The following SLC25A36 variants were observed in gnomAD, a reference collection of about 807,000 sequenced individuals.
SLC25A36 encodes the protein epididymis secretory sperm binding protein.
In SLC25A36, 24 loss-of-function variants were observed where a neutral mutation model predicts 35.3. The ratio of observed to expected loss-of-function variants is 0.68; its 90% CI spans 0.49 to 0.96. The LOEUF is 0.96. SLC25A36 is among the 40% of genes least tolerant of loss of function. The probability of loss-of-function intolerance (pLI) is 0.00; values close to 1 mark genes in which losing one functional copy is unlikely to be tolerated. For synonymous variants in SLC25A36, 141 were observed against 132.2 expected (o/e 1.07, Z -0.46); for missense variants, 294 against 381.1 (o/e 0.77, Z 1.90).
intron 1 of SLC25A36, among the ~76,000 whole-genome samples, chr3:140,948,619 A>G (rs1273378396): frequency 6.6e-6 from 1 of 152,228 alleles, no homozygotes; most frequent in Non-Finnish European, 1.5e-5. Context: ...ATTCTGAAGT[A>G]CCTTTTTAAA....
chr3:140,963,097 C>A, intron 3 of SLC25A36, 30 bp from the exon 4 acceptor site: 1 of 1,366,190 alleles, frequency 7.3e-7, no homozygotes, highest in Non-Finnish European at 1.0e-6. Flanking sequence ...TAAGAACATG[C>A]TTATTGATAA....
At chr3:140,948,419 T>C (rs1461297555) in intron 1 of SLC25A36, among the ~76,000 whole-genome samples, 1 of 151,188 alleles carries the variant, frequency 6.6e-6, no homozygotes, top group Admixed American at 6.6e-5. Flanking sequence ...CCTGACCTCA[T>C]GATCTGCCCA....
At chr3:140,942,176 A>AGGGGGGGG (rs1462221264) in intron 1 of SLC25A36, 81 bp downstream of exon 1, 3 of 57,040 alleles carry the variant, frequency 5.3e-5, no homozygotes, top group Non-Finnish European at 7.1e-5. Flanking sequence ...AGGGGGGCCG[A>AGGGGGGGG]GGGGGGTGGG....
chr3:140,966,935 C>G (rs1222979786), intron 4 of SLC25A36: 3 of 456,150 alleles, frequency 6.6e-6, no homozygotes, highest in African/African-American at 2.0e-5. Flanking sequence ...CTATTTTAGG[C>G]ATTTACTGTA....
At chr3:140,955,110 GCATA>G (rs1348287457) in intron 1 of SLC25A36, among the ~76,000 whole-genome samples, 1 of 151,908 alleles carries the variant, frequency 6.6e-6, no homozygotes, top group Non-Finnish European at 1.5e-5. Context: ...CACTCTAGTT[GCATA>G]CAGTTTGGTT....
chr3:140,949,637 G>T (rs114534951), intron 1 of SLC25A36, among the ~76,000 whole-genome samples: 1 of 152,124 alleles, frequency 6.6e-6, no homozygotes, highest in East Asian at 1.9e-4. Context: ...TATACCAGGG[G>T]TATAGTGACA....
rs929233884 is a variant in SLC25A36 at position 140,952,238 on chromosome 3, G to C, written c.42-4289G>C. Among the ~76,000 whole-genome samples, 5 of 152,026 alleles carry C rather than the reference G, an allele frequency of 3.3e-5. No homozygotes were observed. The South Asian group carries it at 1.0e-3, about 32-fold the overall frequency. On this transcript the variant is annotated intron_variant, in intron 1 of 6. Transcript: ENST00000324194. ...TTATCATGTTTGCCAGGCTGGGCTC[G>C]AATTCCTGATCTCAGGTGATCCACC...
At chr3:140,975,097 C>CTTGTTTTTTTT (rs1935004536) in intron 6 of SLC25A36, among the ~76,000 whole-genome samples, 1 of 55,188 alleles carries the variant, frequency 1.8e-5, no homozygotes, top group Non-Finnish European at 3.5e-5. Flanking sequence ...AAGATACATT[C>CTTGTTTTTTTT]TTTTTTTTTT....
chr3:140,952,474 T>G (rs1045830366), intron 1 of SLC25A36, among the ~76,000 whole-genome samples: 1 of 152,212 alleles, frequency 6.6e-6, no homozygotes, highest in Non-Finnish European at 1.5e-5. Context: ...TTTTACTTGC[T>G]GAAGTGTTTT....
chr3:140,970,825 T>C (rs755522322), intron 4 of SLC25A36, 102 bp from the exon 5 acceptor site: 1 of 610,924 alleles, frequency 1.6e-6, no homozygotes, highest in Non-Finnish European at 3.0e-6. Context: ...AGTTTATTTA[T>C]ATACATTTTC....
chr3:140,971,134 A>T, intron 5 of SLC25A36, 141 bp downstream of exon 5: 1 of 550,410 alleles, frequency 1.8e-6, no homozygotes, highest in Non-Finnish European at 3.3e-6. Context: ...CAGAAAAAAG[A>T]TAATGTAAGA....
intron 2 of SLC25A36, among the ~76,000 whole-genome samples, chr3:140,957,586 A>G (rs1176239412): frequency 6.6e-6 from 1 of 152,140 alleles, no homozygotes; most frequent in Non-Finnish European, 1.5e-5. Flanking sequence ...TACTAAAAAT[A>G]CAAAATTAGC....
chr3:140,971,540 A>C (rs1576488154), intron 5 of SLC25A36, among the ~76,000 whole-genome samples: 1 of 152,306 alleles, frequency 6.6e-6, no homozygotes, highest in Non-Finnish European at 1.5e-5. Context: ...ATGCACCAGG[A>C]AACAGTGGGG....
chr3:140,952,757 A>T (rs558374305), intron 1 of SLC25A36, among the ~76,000 whole-genome samples: 29 of 152,306 alleles, frequency 1.9e-4, no homozygotes, highest in African/African-American at 6.3e-4. Flanking sequence ...GGAACCAGGA[A>T]TGACTGGGTA....
At chr3:140,958,604 G>T (rs1934540841) in intron 2 of SLC25A36, among the ~76,000 whole-genome samples, 1 of 152,104 alleles carries the variant, frequency 6.6e-6, no homozygotes, top group South Asian at 2.1e-4. Context: ...AACCATTCTG[G>T]TACCTTAAAG....
chr3:140,966,741 T>A (rs1281871002), intron 4 of SLC25A36: 1 of 355,092 alleles, frequency 2.8e-6, no homozygotes, highest in Non-Finnish European at 5.6e-6. Context: ...GGCAGGATTT[T>A]CAGTACTCGG....
chr3:140,958,654 A>C (rs1422889640), intron 2 of SLC25A36, among the ~76,000 whole-genome samples: 1 of 152,114 alleles, frequency 6.6e-6, no homozygotes, highest in Non-Finnish European at 1.5e-5. Flanking sequence ...ATTTCAATGG[A>C]ATGGGGATGA....
intron 1 of SLC25A36, among the ~76,000 whole-genome samples, chr3:140,951,377 C>G (rs1435956649): frequency 6.6e-6 from 1 of 152,168 alleles, no homozygotes; most frequent in African/African-American, 2.4e-5. Flanking sequence ...GAGTGTCACC[C>G]CTATACTACA....
chr3:140,956,956 A>G (rs984975570), intron 2 of SLC25A36: 6 of 369,310 alleles, frequency 1.6e-5, no homozygotes, highest in African/African-American at 8.4e-5. Flanking sequence ...TAAAGCTATT[A>G]TAAGTATTTT....
Sources: allele counts gnomAD v4.1 joint callset (sites outside exome capture counted in the v4.1 genomes callset), GRCh38; gene constraint gnomAD v4.1.1; transcripts MANE v1.5; gene names NCBI Gene and HGNC (gene_info 2026-07-23, HGNC 2026-07-21).